The following EVI5 variants were observed in gnomAD, a reference collection of about 807,000 sequenced individuals.
EVI5 encodes ecotropic viral integration site 5, also known as ecotropic viral integration site 5 protein homolog.
Under a neutral mutation model 112.0 loss-of-function variants are expected in EVI5, and 73 were observed. That is an observed-to-expected ratio of 0.65 (90% CI 0.54 to 0.79). The LOEUF (loss-of-function observed/expected upper bound fraction) is 0.79, where lower values mean the gene tolerates loss of function less well. EVI5 is among the 30% of genes least tolerant of loss of function. EVI5 has a pLI of 0.00. For synonymous variants in EVI5, 305 were observed against 319.9 expected, an observed-to-expected ratio of 0.95 and a Z score of 0.50; for missense variants, 900 against 968.8, an observed-to-expected ratio of 0.93 and a Z score of 0.94.
chr1:92,766,666 T>C (rs1682681930), intron 1 of EVI5, among the ~76,000 whole-genome samples: 1 of 152,300 alleles, frequency 6.6e-6, no homozygotes, highest in Admixed American at 6.5e-5. Context: ...GCCATTTTAG[T>C]TACTTTAACT....
rs1680371898 is a variant in EVI5 at position 92,752,696 on chromosome 1, T to A, written c.-81-16069A>T. On this transcript the variant is annotated intron_variant, in intron 1 of 19. Transcript: ENST00000684568. ...TGTTTTCCTAATTTCTTTTATGACA[T>A]CCTCCTCCATATTTTCTTTCTGAAA... Among the ~76,000 whole-genome samples, 4 of 152,004 alleles carry A rather than the reference T, an allele frequency of 2.6e-5. No homozygotes were observed. The South Asian group carries it at 8.3e-4, about 32-fold the overall frequency.
intron 16 of EVI5, among the ~76,000 whole-genome samples, chr1:92,614,591 G>C (rs182539303): frequency 3.6e-4 from 55 of 151,936 alleles, no homozygotes; most frequent in African/African-American, 1.3e-3. Context: ...ATGTGAAAAG[G>C]AGATACTGGC....
chr1:92,679,833 G>T (rs1667320362), intron 9 of EVI5, among the ~76,000 whole-genome samples: 1 of 152,076 alleles, frequency 6.6e-6, no homozygotes, highest in Admixed American at 6.6e-5. Flanking sequence ...ATTATACTGG[G>T]GTTATTGGGT....
chr1:92,723,641 T>C (rs2102714053), intron 2 of EVI5, among the ~76,000 whole-genome samples: 1 of 152,246 alleles, frequency 6.6e-6, no homozygotes, highest in South Asian at 2.1e-4. Context: ...GATTGTAAAA[T>C]ATGTGTGTTT....
In EVI5 at chr1:92,785,096, G is replaced by C. The variant is rs1685463650; in HGVS notation, c.-342C>G. 2 of 985,416 alleles carry C rather than the reference G, an allele frequency of 2.0e-6. No individual in the cohort carries two copies. The highest frequency in any genetic ancestry group is 1.7e-5 in the African/African-American group (1 of 57,234). 61.0% of individuals were successfully genotyped at this position (985,416 alleles called of 1,614,324 possible). A position where few individuals can be genotyped will look rare whatever the true frequency, so the allele number is the denominator to read the frequency against. On this transcript the variant is annotated 5_prime_UTR_variant, in exon 1 of 20. Transcript: ENST00000684568. ...TTCCTCCGGGGTCCGGCCCGGCCGC[G>C]TCAGGAGAGCCCAAGGCGCAGGCGC... is the stretch of plus-strand genomic sequence containing the variant.
At chr1:92,708,064 A>G (rs974627846) in intron 2 of EVI5, among the ~76,000 whole-genome samples, 16 of 152,234 alleles carry the variant, frequency 1.1e-4, no homozygotes, top group Non-Finnish European at 1.8e-4. Flanking sequence ...AAGAAAATAC[A>G]GGAATAAATC....
chr1:92,670,990 CTTGA>C (rs1460004126), intron 10 of EVI5, among the ~76,000 whole-genome samples: 4 of 151,672 alleles, frequency 2.6e-5, no homozygotes, highest in African/African-American at 4.8e-5. Flanking sequence ...ATTTTTCCTA[CTTGA>C]TTATCACCAT....
chr1:92,540,683 T>C (rs1460568212), intron 19 of EVI5, among the ~76,000 whole-genome samples: 1 of 152,202 alleles, frequency 6.6e-6, no homozygotes, highest in Non-Finnish European at 1.5e-5. Context: ...ATTTTGATGA[T>C]GTTCAGCTTA....
At chr1:92,727,359 A>T (rs1311748362) in intron 2 of EVI5, among the ~76,000 whole-genome samples, 1 of 152,178 alleles carries the variant, frequency 6.6e-6, no homozygotes, top group Non-Finnish European at 1.5e-5. Context: ...TTTTAGATCC[A>T]TCCCTGCTAG....
intron 16 of EVI5, among the ~76,000 whole-genome samples, chr1:92,619,509 T>C (rs1425797930): frequency 3.3e-5 from 5 of 151,696 alleles, no homozygotes; most frequent in Admixed American, 2.0e-4. Flanking sequence ...TAATACAACA[T>C]CTGACAGAGA....
At chr1:92,696,481 TA>T (rs1032806661) in intron 6 of EVI5, among the ~76,000 whole-genome samples, 7 of 151,690 alleles carry the variant, frequency 4.6e-5, no homozygotes, top group African/African-American at 1.7e-4. Context: ...TCAAAATAGA[TA>T]AAAAACTATT....
chr1:92,749,050 G>C (rs1309010815), intron 1 of EVI5: 1 of 141,208 alleles, frequency 7.1e-6, no homozygotes, highest in Non-Finnish European at 1.3e-5. Flanking sequence ...TGGGCAACAA[G>C]AGCGAAACTC....
chr1:92,766,130 AATAATAATT>A (rs1250063590), intron 1 of EVI5, among the ~76,000 whole-genome samples: 6 of 97,454 alleles, frequency 6.2e-5, no homozygotes, highest in South Asian at 3.7e-4. Flanking sequence ...TAATAATAAT[AATAATAATT>A]AATAAAATAT....
At chr1:92,625,174 T>C (rs1250445019) in intron 15 of EVI5, among the ~76,000 whole-genome samples, 1 of 152,220 alleles carries the variant, frequency 6.6e-6, no homozygotes, top group African/African-American at 2.4e-5. Context: ...TTTCTCAAAA[T>C]ATCTGTGATA....
At chr1:92,572,540 ATTACT>A (rs1333507662) in intron 18 of EVI5, among the ~76,000 whole-genome samples, 2 of 152,112 alleles carry the variant, frequency 1.3e-5, no homozygotes, top group Admixed American at 6.6e-5. Flanking sequence ...TCCCCCAAAG[ATTACT>A]TTAGAGTAGG....
rs922097166 is a variant in EVI5 at position 92,510,561 on chromosome 1, T to C, written c.*3095A>G. ...TGAGCTAAATTGAAGAAGAAAAACC[T>C]GCATTTTAGAGTATCTGTTATCAAG... On this transcript the variant is annotated 3_prime_UTR_variant, in exon 20 of 20. Transcript: ENST00000684568. 6.6e-6 allele frequency: 1 copy of C among 152,202 alleles called. No individual in the cohort carries two copies. The highest frequency in any genetic ancestry group is 2.4e-5 in the African/African-American group (1 of 41,458). The allele number at this position is 152,202 out of a possible 1,614,324, so 9.4% of individuals were successfully genotyped here. A position where few individuals can be genotyped will look rare whatever the true frequency, so the allele number is the denominator to read the frequency against.
intron 19 of EVI5, among the ~76,000 whole-genome samples, chr1:92,554,759 A>T (rs1337738807): frequency 6.6e-6 from 1 of 152,176 alleles, no homozygotes; most frequent in African/African-American, 2.4e-5. Flanking sequence ...CCTTGAGCCC[A>T]GGAGTTCCAG....
intron 18 of EVI5, among the ~76,000 whole-genome samples, chr1:92,581,815 AAG>A (rs1671980506): frequency 6.6e-6 from 1 of 152,198 alleles, no homozygotes; most frequent in Admixed American, 6.5e-5. Context: ...TTTACACAGA[AAG>A]TACTTAAAAC....
chr1:92,773,212 A>AAC (rs1047954938), intron 1 of EVI5, among the ~76,000 whole-genome samples: 2 of 151,832 alleles, frequency 1.3e-5, no homozygotes, highest in African/African-American at 4.8e-5. Context: ...AAAAAAAAAA[A>AAC]AACTTCATAG....
Sources: gnomAD v4.1 joint callset for allele counts (sites outside exome capture counted in the v4.1 genomes callset) on GRCh38, gnomAD v4.1.1 for gene constraint, MANE v1.5 for transcripts, NCBI Gene and HGNC (gene_info 2026-07-23, HGNC 2026-07-21) for gene names.